FEZ1: variants seen among roughly 807,000 people sequenced by gnomAD.
FEZ1 encodes fasciculation and elongation protein zeta 1.
In FEZ1, 20 loss-of-function variants were observed where a neutral mutation model predicts 49.3. That is an observed-to-expected ratio of 0.41 (90% confidence interval 0.29 to 0.59). The LOEUF (loss-of-function observed/expected upper bound fraction) is 0.59. Among genes scored for constraint, FEZ1 ranks in the 20% least tolerant of loss-of-function variants. The probability of loss-of-function intolerance (pLI) is 0.36; values close to 1 mark genes in which losing one functional copy is unlikely to be tolerated. For missense variants in FEZ1, 413 were observed against 476.0 expected, an observed-to-expected ratio of 0.87 and a Z score of 1.23; for synonymous variants, 170 against 180.9, an observed-to-expected ratio of 0.94 and a Z score of 0.48.
In FEZ1 at chr11:125,448,487, TG is replaced by T. The variant is rs1565529905; in HGVS notation, c.1162+14del. ...AGAACCCCTTCTGCTCCAGGAGGCC[TG>T]GGGCTGCTCTTACCTTTTAAAATGT... On this transcript the variant is annotated intron_variant, in intron 9 of 9. Transcript: ENST00000278919. The T allele has an allele frequency of 6.3e-7, 1 of 1,586,588 alleles. No homozygotes were observed. The highest frequency in any genetic ancestry group is 1.1e-5 in the South Asian group (1 of 90,442).
intron 7 of FEZ1, chr11:125,452,742 T>G (rs1338302364): frequency 4.3e-6 from 1 of 233,854 alleles, no homozygotes; most frequent in Non-Finnish European, 8.2e-6. Context: ...TTCTTTGCAG[T>G]GCAATTTGAG....
At chr11:125,494,532 A>T (rs1957438170) in intron 1 of FEZ1, among the ~76,000 whole-genome samples, 1 of 152,212 alleles carries the variant, frequency 6.6e-6, no homozygotes, top group Non-Finnish European at 1.5e-5. Context: ...TAGACTTCCA[A>T]GATCAAAAAT....
At chr11:125,488,840 C>A (rs1485409973) in intron 2 of FEZ1, 59 of 985,378 alleles carry the variant, frequency 6.0e-5, no homozygotes, top group Non-Finnish European at 7.0e-5. Flanking sequence ...TTTCTCAGAT[C>A]CCTTTTCTTG....
intron 8 of FEZ1, among the ~76,000 whole-genome samples, chr11:125,449,016 A>G (rs1371621755): frequency 1.3e-5 from 2 of 152,070 alleles, no homozygotes; most frequent in African/African-American, 4.8e-5. Context: ...GTTTGTCTCT[A>G]GGTAGTGGAC....
intron 3 of FEZ1, among the ~76,000 whole-genome samples, chr11:125,477,723 C>T (rs975704082): frequency 6.6e-6 from 1 of 152,162 alleles, no homozygotes; most frequent in East Asian, 1.9e-4. Flanking sequence ...CTAGCCAGTC[C>T]TAAACTGTTT....
Position 125,495,587 on chromosome 11 carries a change from T to C in FEZ1, c.-46+534A>G, listed in dbSNP as rs776585180. The C allele has an allele frequency of 3.2e-5, 15 of 470,186 alleles. No individual in the cohort carries two copies. Among genetic ancestry groups the C allele is most frequent in the Middle Eastern group, 3.3e-4 (1 of 3,046 alleles). The allele number at this position is 470,186 out of a possible 1,614,324, so 29.1% of individuals were successfully genotyped here. A position where few individuals can be genotyped will look rare whatever the true frequency, so the allele number is the denominator to read the frequency against. On this transcript the variant is annotated intron_variant, in intron 1 of 9. Coordinates refer to ENST00000278919, the MANE Select transcript of FEZ1 (RefSeq NM_005103.5). The surrounding 1 kb of genome is among the most constrained non-coding windows in gnomAD (Gnocchi z 4.2). ...GCGCGGTCTGGGGAAGGCTCCGCAC[T>C]CTGGGGAGGGGCACGAGCGGGGTCG... is the stretch of plus-strand genomic sequence containing the variant.
rs1249366585 is a variant in FEZ1 at position 125,495,414 on chromosome 11, C to G, written c.-46+707G>C. On this transcript the variant is annotated intron_variant, in intron 1 of 9. Transcript: ENST00000278919. The surrounding 1 kb of genome is among the most constrained non-coding windows in gnomAD (Gnocchi z 4.2). ...TCCTCGACGCCGTCAAACACTGCTCCCCGCATTCCAGAGCCCGGGGCCCAC... is the reference window on the plus strand; with the variant it reads ...TCCTCGACGCCGTCAAACACTGCTCGCCGCATTCCAGAGCCCGGGGCCCAC... 2.1e-6 allele frequency: 1 copy of G among 470,880 alleles called. No homozygotes were observed. The highest frequency in any genetic ancestry group is 1.5e-5 in the South Asian group (1 of 64,522). 29.2% of individuals were successfully genotyped at this position (470,880 alleles called of 1,614,324 possible).
At position 125,495,245 on chromosome 11, in the gene FEZ1, A is replaced by G. The variant is rs993889962; in HGVS notation, c.-46+876T>C. 8 of 393,494 alleles carry G rather than the reference A, an allele frequency of 2.0e-5. No individual in the cohort carries two copies. The highest frequency in any genetic ancestry group is 1.6e-5 in the Non-Finnish European group (3 of 185,976). 24.4% of individuals were successfully genotyped at this position (393,494 alleles called of 1,614,324 possible). ...ATGGCTGGCACTCTGAGGAAGCCGG[A>G]CTCATCCCGTGCAGGCCGCATACAC... is the stretch of plus-strand genomic sequence containing the variant. On this transcript the variant is annotated intron_variant, in intron 1 of 9. Coordinates refer to ENST00000278919, the MANE Select transcript of FEZ1 (RefSeq NM_005103.5). The surrounding 1 kb of genome is among the most constrained non-coding windows in gnomAD (Gnocchi z 4.2).
At chr11:125,450,854 C>T (rs1956948201) in intron 8 of FEZ1, among the ~76,000 whole-genome samples, 1 of 152,014 alleles carries the variant, frequency 6.6e-6, no homozygotes, top group African/African-American at 2.4e-5. Flanking sequence ...AAATGGTAAC[C>T]ATAGTGGAGT....
chr11:125,454,123 C>T lies in FEZ1; in HGVS notation c.1020+7G>A, dbSNP rs148013154. ...AAGAGAGCTTGGAGCAGGGAGACTACGCGTACCTGTTTGTCAGTTCCTGAG... is the reference window on the plus strand; with the variant it reads ...AAGAGAGCTTGGAGCAGGGAGACTATGCGTACCTGTTTGTCAGTTCCTGAG... On this transcript the variant is annotated splice_region_variant and intron_variant, in intron 7 of 9. Transcript: ENST00000278919. The T allele has an allele frequency of 1.2e-3, 1,990 of 1,608,508 alleles. 26 individuals are homozygous for T. The African/African-American group carries it at 0.024, about 20-fold the overall frequency.
In FEZ1 at chr11:125,479,652, A is replaced by G. The variant is rs190807496; in HGVS notation, c.411+1882T>C. On this transcript the variant is annotated intron_variant, in intron 3 of 9. Coordinates refer to ENST00000278919, the MANE Select transcript of FEZ1 (RefSeq NM_005103.5). ...TCATGGAGGTGGGATGCCCACAAGTATCTTTCTAAAAGAGGCCCAAGGGAG... is the reference window on the plus strand; with the variant it reads ...TCATGGAGGTGGGATGCCCACAAGTGTCTTTCTAAAAGAGGCCCAAGGGAG... Among the ~76,000 whole-genome samples the G allele has an allele frequency of 1.8e-3, 268 of 152,300 alleles. 1 individual carries two copies. Among genetic ancestry groups the G allele is most frequent in the African/African-American group, 6.3e-3 (261 of 41,572 alleles).
intron 3 of FEZ1, among the ~76,000 whole-genome samples, chr11:125,475,378 G>T (rs1367833422): frequency 6.6e-6 from 1 of 151,872 alleles, no homozygotes; most frequent in African/African-American, 2.4e-5. Context: ...AATTAGAACT[G>T]AAATAAGGTA....
rs1393310278 is a variant in FEZ1 at position 125,463,606 on chromosome 11, CCAT to C, written c.412-39_412-37del. ...GGTGGGGAGATGGAATTCTGGGTGA[CCAT>C]CAGCAGAAGTGGGATTGCCTCTAGT... On this transcript the variant is annotated intron_variant, in intron 3 of 9. Coordinates refer to ENST00000278919, the MANE Select transcript of FEZ1 (RefSeq NM_005103.5). 2.3e-6 allele frequency: 3 copies of C among 1,319,448 alleles called. No individual in the cohort carries two copies. The East Asian group carries it at 6.9e-5, about 30-fold the overall frequency. 81.7% of individuals were successfully genotyped at this position (1,319,448 alleles called of 1,614,324 possible).
chr11:125,443,424 CAG>C lies in FEZ1; in HGVS notation c.*2669_*2670del, dbSNP rs2135729305. ...ATTCAGCAACTCTGAAAACCTAGGG[CAG>C]AGTTTCTCTAATCCTTGATGCAAAT... On this transcript the variant is annotated 3_prime_UTR_variant, in exon 10 of 10. Transcript: ENST00000278919. 6.6e-6 allele frequency among the ~76,000 whole-genome samples: 1 copy of C among 152,342 alleles called. No individual in the cohort carries two copies. Among genetic ancestry groups the C allele is most frequent in the African/African-American group, 2.4e-5 (1 of 41,580 alleles).
intron 2 of FEZ1, 129 bp from the exon 3 acceptor site, chr11:125,481,762 A>T (rs750308976): frequency 2.4e-5 from 17 of 717,370 alleles, no homozygotes; most frequent in Non-Finnish European, 4.3e-5. Context: ...GCCTTCCAGC[A>T]TGCAGGGGCA....
At chr11:125,480,490 G>A (rs1957269228) in intron 3 of FEZ1, among the ~76,000 whole-genome samples, 1 of 152,178 alleles carries the variant, frequency 6.6e-6, no homozygotes, top group African/African-American at 2.4e-5. Context: ...CTTGTTCTCA[G>A]CACTGTTTTT....
chr11:125,456,958 C>T (rs1346463418), intron 5 of FEZ1, among the ~76,000 whole-genome samples: 6 of 151,708 alleles, frequency 4.0e-5, no homozygotes, highest in Non-Finnish European at 7.4e-5. Flanking sequence ...CTGCGATGTG[C>T]GGATCACCTG....
At chr11:125,449,002 C>A (rs1044565886) in intron 8 of FEZ1, among the ~76,000 whole-genome samples, 1 of 152,090 alleles carries the variant, frequency 6.6e-6, no homozygotes, top group South Asian at 2.1e-4. Flanking sequence ...GCAAGAGCCA[C>A]AGTGTTTGTC....
In FEZ1 at chr11:125,443,391, A is replaced by G. The variant is rs1956871669; in HGVS notation, c.*2704T>C. Among the ~76,000 whole-genome samples the G allele has an allele frequency of 6.6e-6, 1 of 152,224 alleles. No homozygotes were observed. The highest frequency in any genetic ancestry group is 2.4e-5 in the African/African-American group (1 of 41,466). Reference sequence around the variant, plus strand: ...AAATTCCCTAGGTTCAGCATTGAAGAGTCAAGGATTCAGCAACTCTGAAAA... The same window carrying G: ...AAATTCCCTAGGTTCAGCATTGAAGGGTCAAGGATTCAGCAACTCTGAAAA... On this transcript the variant is annotated 3_prime_UTR_variant, in exon 10 of 10. Transcript: ENST00000278919.
Sources: gnomAD v4.1 joint callset for allele counts (sites outside exome capture counted in the v4.1 genomes callset) on GRCh38, gnomAD v4.1.1 for gene constraint, Gnocchi (gnomAD v3.1) non-coding constraint, MANE v1.5 for transcripts, NCBI Gene and HGNC (gene_info 2026-07-23, HGNC 2026-07-21) for gene names.